Variants in GPM6A observed in about 807,000 individuals in gnomAD.
GPM6A encodes glycoprotein M6A.
GPM6A carries 7 observed loss-of-function variants against 32.1 expected under a neutral mutation model. The observed-to-expected ratio is 0.22, with a 90% CI of 0.12 to 0.41. The LOEUF is 0.41. Among genes scored for constraint, GPM6A ranks in the 10% least tolerant of loss-of-function variants. The pLI is 1.00. For synonymous variants in GPM6A, 130 were observed against 123.4 expected (o/e 1.05, Z -0.35); for missense variants, 235 against 347.2 (o/e 0.68, Z 2.57).
chr4:175,702,517 T>A (rs545458649), intron 1 of GPM6A, among the ~76,000 whole-genome samples: 1 of 151,854 alleles, frequency 6.6e-6, no homozygotes, highest in Non-Finnish European at 1.5e-5. Flanking sequence ...TAGTGAACTG[T>A]TTTCTTTCCT....
chr4:175,794,918 G>A (rs999996170), intron 1 of GPM6A, among the ~76,000 whole-genome samples: 3 of 152,122 alleles, frequency 2.0e-5, no homozygotes, highest in African/African-American at 4.8e-5. Context: ...AAGCCTTTAC[G>A]CAACAGAATC....
intron 1 of GPM6A, among the ~76,000 whole-genome samples, chr4:175,929,099 A>C (rs1257513073): frequency 6.6e-6 from 1 of 152,260 alleles, no homozygotes; most frequent in East Asian, 1.9e-4. Flanking sequence ...CAATAGATTC[A>C]GAGCTGTGAT....
chr4:175,890,621 C>T (rs62334784), intron 1 of GPM6A, among the ~76,000 whole-genome samples: 85 of 151,498 alleles, frequency 5.6e-4, no homozygotes, highest in Non-Finnish European at 1.1e-3. Flanking sequence ...GGCTGGAGTG[C>T]AGTGGTGCAA....
intron 1 of GPM6A, among the ~76,000 whole-genome samples, chr4:175,991,531 T>C (rs1294496582): frequency 6.6e-6 from 1 of 152,142 alleles, no homozygotes; most frequent in Non-Finnish European, 1.5e-5. Context: ...TCCCTGAGTA[T>C]CCAGTGTTGA....
chr4:175,651,931 G>C lies in GPM6A; in HGVS notation c.444C>G (p.Thr148=), dbSNP rs1741832106. 1 of 1,612,484 alleles carries C rather than the reference G, an allele frequency of 6.2e-7. No individual in the cohort carries two copies. The highest frequency in any genetic ancestry group is 8.5e-7 in the Non-Finnish European group (1 of 1,178,898). ...MLAWLGVTAF[T]SLPVYMYFNL... ...TGAAGTACATGTAAACTGGCAGTGAGGTGAAAGCCGTGACTCCCAGCCAGG... is the reference window on the plus strand; with the variant it reads ...TGAAGTACATGTAAACTGGCAGTGACGTGAAAGCCGTGACTCCCAGCCAGG... The change falls in exon 4 of 7, where the codon ACC becomes ACG. Residue 148 remains threonine, a synonymous_variant. Coordinates refer to ENST00000393658, the MANE Select transcript of GPM6A (RefSeq NM_201591.3).
At chr4:175,900,214 A>G (rs1227980573) in intron 1 of GPM6A, among the ~76,000 whole-genome samples, 1 of 151,336 alleles carries the variant, frequency 6.6e-6, no homozygotes, top group Admixed American at 6.6e-5. Context: ...CGGAGGTTGC[A>G]GTGAGCCAAG....
intron 1 of GPM6A, among the ~76,000 whole-genome samples, chr4:175,830,005 G>A (rs1055404746): frequency 4.6e-5 from 7 of 152,120 alleles, no homozygotes; most frequent in African/African-American, 1.7e-4. Context: ...AGTTGGCTCT[G>A]CATGAAGTGG....
intron 1 of GPM6A, among the ~76,000 whole-genome samples, chr4:175,960,157 T>A (rs548713585): frequency 6.6e-6 from 1 of 152,346 alleles, no homozygotes; most frequent in East Asian, 1.9e-4. Flanking sequence ...TAAGCTCCTG[T>A]TAAGTCACAT....
chr4:175,970,966 T>C, intron 1 of GPM6A: 1 of 451,386 alleles, frequency 2.2e-6, no homozygotes, highest in Non-Finnish European at 4.4e-6. Context: ...GAGCCTGTGC[T>C]TGAGCAGCGC....
At chr4:175,813,579 C>G (rs1002946865), upstream of GPM6A, among the ~76,000 whole-genome samples, 3 of 151,530 alleles carry the variant, frequency 2.0e-5, no homozygotes, top group African/African-American at 4.8e-5. Context: ...CACGGAGAGG[C>G]ACACACACAC....
At chr4:175,987,386 T>C (rs932730583) in intron 1 of GPM6A, among the ~76,000 whole-genome samples, 1 of 152,166 alleles carries the variant, frequency 6.6e-6, no homozygotes, top group African/African-American at 2.4e-5. Flanking sequence ...CAGTGTGTAT[T>C]GGTTTAGAAA....
chr4:175,976,862 G>A (rs1740679889), intron 1 of GPM6A, among the ~76,000 whole-genome samples: 1 of 152,094 alleles, frequency 6.6e-6, no homozygotes, highest in Admixed American at 6.6e-5. Context: ...TAAGTAGAAT[G>A]CCTAGATTTA....
intron 1 of GPM6A, among the ~76,000 whole-genome samples, chr4:175,887,884 A>G (rs1484670626): frequency 6.6e-6 from 1 of 151,904 alleles, no homozygotes; most frequent in Admixed American, 6.6e-5. Flanking sequence ...AGGCCCAGAT[A>G]TTATTAAATA....
intron 1 of GPM6A, among the ~76,000 whole-genome samples, chr4:175,965,536 C>T (rs1325655091): frequency 6.6e-6 from 1 of 151,574 alleles, no homozygotes; most frequent in East Asian, 1.9e-4. Flanking sequence ...ACGGATACAC[C>T]TCTAGTTAGG....
chr4:175,939,671 G>A (rs1243319820), intron 1 of GPM6A, among the ~76,000 whole-genome samples: 3 of 152,116 alleles, frequency 2.0e-5, no homozygotes, highest in Non-Finnish European at 4.4e-5. Flanking sequence ...GAAAAAGTCA[G>A]AAGAAAATTC....
At chr4:175,822,094 T>C (rs768978365) in intron 1 of GPM6A, among the ~76,000 whole-genome samples, 3 of 152,122 alleles carry the variant, frequency 2.0e-5, no homozygotes, top group Non-Finnish European at 4.4e-5. Flanking sequence ...ATTTCTGAGG[T>C]TCATTTATTA....
intron 1 of GPM6A, among the ~76,000 whole-genome samples, chr4:175,841,351 A>G (rs767288378): frequency 2.6e-5 from 4 of 152,200 alleles, no homozygotes; most frequent in Non-Finnish European, 5.9e-5. Flanking sequence ...TTTTAGAACC[A>G]GGAGCTAAAC....
intron 1 of GPM6A, among the ~76,000 whole-genome samples, chr4:175,848,686 G>C (rs539641421): frequency 1.3e-5 from 2 of 152,114 alleles, no homozygotes. Flanking sequence ...TTAACAATTT[G>C]CCTACAACCG....
chr4:175,938,435 G>A (rs1331974642), intron 1 of GPM6A, among the ~76,000 whole-genome samples: 1 of 152,086 alleles, frequency 6.6e-6, no homozygotes, highest in Non-Finnish European at 1.5e-5. Context: ...ACTTTTTAAT[G>A]ATCGCCATTC....
Sources: gnomAD v4.1 joint callset for allele counts (sites outside exome capture counted in the v4.1 genomes callset) on GRCh38, gnomAD v4.1.1 for gene constraint, MANE v1.5 for transcripts, NCBI Gene and HGNC (gene_info 2026-07-23, HGNC 2026-07-21) for gene names.